The following ZNF814 variants were observed in gnomAD, a reference collection of about 807,000 sequenced individuals.
ZNF814 encodes the protein zinc finger protein 814.
Under a neutral mutation model 7.5 loss-of-function variants are expected in ZNF814, and 5 were observed. That is an observed-to-expected ratio of 0.67 (90% confidence interval 0.35 to 1.40). The LOEUF (loss-of-function observed/expected upper bound fraction) is 1.40. ZNF814 is among the 40% of genes most tolerant of loss of function. ZNF814 has a pLI of 0.04. For missense variants in ZNF814, 962 were observed against 1,018.0 expected (o/e 0.94, Z 0.75); for synonymous variants, 315 against 340.7 (o/e 0.92, Z 0.83).
In ZNF814 at chr19:57,873,954, A is replaced by C. The variant is rs771453937; in HGVS notation, c.1436T>G (p.Leu479Arg). 3.7e-6 allele frequency: 6 copies of C among 1,614,018 alleles called. No individual in the cohort carries two copies. The highest frequency in any genetic ancestry group is 1.3e-5 in the African/African-American group (1 of 75,028). The change falls in exon 3 of 3, where the codon CTT becomes CGT. Residue 479 changes from leucine (L) to arginine (R), a missense_variant. By Grantham distance (102) the Leu-to-Arg change is moderately radical. Around this residue, in one of 7 missense-constraint regions of ZNF814, gnomAD observed 665 missense variants for 551.4 expected, o/e 1.21. Transcript: ENST00000435989. ...ACTGTGAACTCGCTGATGGTGAACA[A>C]GGCTGCGCTTATGACTGAAAGATTT... ...CVKSFSHKRS[L>R]VHHQRVHSGE...
At chr19:57,875,917 ACT>A (rs1343413061) in intron 2 of ZNF814, among the ~76,000 whole-genome samples, 2 of 136,902 alleles carry the variant, frequency 1.5e-5, no homozygotes, top group Non-Finnish European at 3.1e-5. Context: ...TAAAGCCCTG[ACT>A]CCATGACCTC....
chr19:57,894,376 A>AG, the ZNF814 span, among the ~76,000 whole-genome samples: 1 of 151,940 alleles, frequency 6.6e-6, no homozygotes, highest in Non-Finnish European at 1.5e-5. Flanking sequence ...AAAAAAAAAA[A>AG]AAGAAGCCGA....
rs565809150 is a variant in ZNF814 at position 57,887,631 on chromosome 19, T to C, written c.36+1136A>G. 2.6e-5 allele frequency among the ~76,000 whole-genome samples: 4 copies of C among 152,246 alleles called. No homozygotes were observed. The South Asian group carries it at 6.2e-4, about 24-fold the overall frequency. On this transcript the variant is annotated intron_variant, in intron 1 of 2. Transcript: ENST00000435989. ...GCTTAGCTGAGAAAGCCAGACGAGC[T>C]CCACCTGGCCCCCTTGATTTACAAG...
chr19:57,876,410 C>T (rs1050145935), intron 2 of ZNF814: 1 of 162,422 alleles, frequency 6.2e-6, no homozygotes, highest in East Asian at 1.8e-4. Context: ...AAGGGAAAGA[C>T]AGAACAAGGG....
At position 57,869,942 on chromosome 19, in the gene ZNF814, CA is replaced by C. The variant is rs57591690; in HGVS notation, c.*2879del. ...CCTGGCTGACAGTGAGACTCTGTCT[CA>C]AAAAAAAAAAAAAAAGGTTGGGCAC... On this transcript the variant is annotated 3_prime_UTR_variant, in exon 3 of 3. Coordinates refer to ENST00000435989, the MANE Select transcript of ZNF814 (RefSeq NM_001144989.2). 6.7e-5 allele frequency: 9 copies of C among 133,372 alleles called. No homozygotes were observed. The highest frequency in any genetic ancestry group is 7.5e-5 in the Admixed American group (1 of 13,346). 8.3% of individuals were successfully genotyped at this position (133,372 alleles called of 1,614,324 possible).
chr19:57,884,972 T>C (rs1240819218), intron 1 of ZNF814, among the ~76,000 whole-genome samples: 1 of 152,140 alleles, frequency 6.6e-6, no homozygotes, highest in East Asian at 1.9e-4. Flanking sequence ...TGCAGCACTG[T>C]TCACAGCAGC....
At chr19:57,887,532 C>T (rs983924512) in intron 1 of ZNF814, among the ~76,000 whole-genome samples, 12 of 152,194 alleles carry the variant, frequency 7.9e-5, no homozygotes, top group Non-Finnish European at 1.5e-4. Context: ...ACCTTGTTTT[C>T]ACTAATCCTG....
intron 2 of ZNF814, among the ~76,000 whole-genome samples, chr19:57,876,237 T>G (rs547078460): frequency 6.6e-6 from 1 of 151,830 alleles, no homozygotes; most frequent in African/African-American, 2.4e-5. Context: ...ATTACAGGAG[T>G]GAGCCACCAT....
chr19:57,872,602 T>G lies in ZNF814; in HGVS notation c.*220A>C. The G allele has an allele frequency of 8.0e-7, 1 of 1,255,816 alleles. No individual in the cohort carries two copies. Among genetic ancestry groups the G allele is most frequent in the South Asian group, 1.4e-5 (1 of 72,216 alleles). 77.8% of individuals were successfully genotyped at this position (1,255,816 alleles called of 1,614,324 possible). On this transcript the variant is annotated 3_prime_UTR_variant, in exon 3 of 3. Coordinates refer to ENST00000435989, the MANE Select transcript of ZNF814 (RefSeq NM_001144989.2). ...CCTTACTCCAGTGTGAACTCTCCTG[T>G]GTTTAATGAGACTGAAAGTTTCAGC...
At chr19:57,877,113 A>T (rs2071613544) in intron 1 of ZNF814, 71 bp from the exon 2 acceptor site, 1 of 1,585,572 alleles carries the variant, frequency 6.3e-7, no homozygotes, top group Non-Finnish European at 8.6e-7. Flanking sequence ...TCTCTCCCAC[A>T]CATCTACTCT....
intron 1 of ZNF814, among the ~76,000 whole-genome samples, chr19:57,878,207 T>G (rs1414886093): frequency 6.7e-6 from 1 of 148,810 alleles, no homozygotes; most frequent in East Asian, 2.0e-4. Flanking sequence ...ATTAACAGCC[T>G]GATAAGAGGG....
rs1411674648 is a variant in ZNF814, at chr19:57,872,077, T to A, written c.*745A>T. On this transcript the variant is annotated 3_prime_UTR_variant, in exon 3 of 3. Coordinates refer to ENST00000435989, the MANE Select transcript of ZNF814 (RefSeq NM_001144989.2). ...AATGTGAACACACCACTGCACGCCA[T>A]CCTGAGCGACACAGTGACAACCTGT... is the stretch of plus-strand genomic sequence containing the variant. Among the ~76,000 whole-genome samples the A allele has an allele frequency of 1.3e-5, 2 of 152,056 alleles. No individual in the cohort carries two copies. The highest frequency in any genetic ancestry group is 2.9e-5 in the Non-Finnish European group (2 of 68,008).
intron 1 of ZNF814, chr19:57,885,820 C>T (rs1260089421): frequency 6.6e-6 from 1 of 151,124 alleles, no homozygotes; most frequent in Non-Finnish European, 1.5e-5. Flanking sequence ...GTTTGAAACA[C>T]AAAGGATAAT....
rs148255471 is a variant in ZNF814 at position 57,883,353 on chromosome 19, A to G, written c.36+5414T>C. On this transcript the variant is annotated intron_variant, in intron 1 of 2. Coordinates refer to ENST00000435989, the MANE Select transcript of ZNF814 (RefSeq NM_001144989.2). ...CTAGCCTGGGCGACAGCGAGACTCC[A>G]TCTCAAAAAAAAAAAAAAAATAGAA... 8.3e-3 allele frequency among the ~76,000 whole-genome samples: 1,124 copies of G among 135,680 alleles called. 8 individuals carry two copies. The highest frequency in any genetic ancestry group is 0.014 in the Non-Finnish European group (849 of 62,422). 89.0% of individuals were successfully genotyped at this position (135,680 alleles called of 152,430 possible). A position where few individuals can be genotyped will look rare whatever the true frequency, so the allele number is the denominator to read the frequency against.
chr19:57,901,946 G>A, the ZNF814 span, among the ~76,000 whole-genome samples: 8 of 152,082 alleles, frequency 5.3e-5, no homozygotes, highest in African/African-American at 1.9e-4. Context: ...ACAGAGTGCC[G>A]ATGCATCCTA....
the ZNF814 span, among the ~76,000 whole-genome samples, chr19:57,903,858 T>A: frequency 6.7e-6 from 1 of 149,698 alleles, no homozygotes; most frequent in Non-Finnish European, 1.5e-5. Flanking sequence ...GGGAGACATG[T>A]TGGCAGAAGA....
chr19:57,902,259 C>A, the ZNF814 span, among the ~76,000 whole-genome samples: 5 of 152,144 alleles, frequency 3.3e-5, no homozygotes, highest in Non-Finnish European at 7.3e-5. Context: ...TGGGGTGCTA[C>A]AAAATAATTC....
the ZNF814 span, among the ~76,000 whole-genome samples, chr19:57,904,372 G>C: frequency 1.3e-5 from 2 of 152,170 alleles, no homozygotes; most frequent in South Asian, 4.1e-4. Flanking sequence ...TGGCCCCTGA[G>C]ACCCACCCTA....
rs1374551839 is a variant in ZNF814 at position 57,874,758 on chromosome 19, C to G, written c.632G>C (p.Gly211Ala). ...TECVSPIQCG[G>A]AHYSCGESMK... ...GGATTCTCCACAGCTGTAGTGAGCT[C>G]CCCCACACTGAATGGGAGACACACA... Residue 211 changes from glycine (G) to alanine (A), a missense_variant, in exon 3 of 3, where the codon GGA (glycine) becomes GCA (alanine). Gly to Ala is a moderately conservative substitution (Grantham distance 60). Coordinates refer to ENST00000435989, the MANE Select transcript of ZNF814 (RefSeq NM_001144989.2). 1 of 1,613,390 alleles carries G rather than the reference C, an allele frequency of 6.2e-7. No individual in the cohort carries two copies. The highest frequency in any genetic ancestry group is 8.5e-7 in the Non-Finnish European group (1 of 1,179,752).
Sources: gnomAD v4.1 joint callset for allele counts (sites outside exome capture counted in the v4.1 genomes callset) on GRCh38, gnomAD v4.1.1 for gene constraint, gnomAD v4.1.1 regional missense constraint, MANE v1.5 for transcripts, NCBI Gene and HGNC (gene_info 2026-07-23, HGNC 2026-07-21) for gene names.